Variants in CYLD observed in about 807,000 individuals in gnomAD.
CYLD encodes the protein CYLD lysine 63 deubiquitinase, also known as ubiquitin carboxyl-terminal hydrolase CYLD.
Under a neutral mutation model 104.5 loss-of-function variants are expected in CYLD, and 26 were observed. The observed-to-expected ratio is 0.25, with a 90% CI of 0.18 to 0.35. The LOEUF (loss-of-function observed/expected upper bound fraction) is 0.35. CYLD is among the 10% of genes least tolerant of loss of function. The probability of loss-of-function intolerance (pLI) is 1.00; values close to 1 mark genes in which losing one functional copy is unlikely to be tolerated. For synonymous variants in CYLD, 385 were observed against 399.9 expected (o/e 0.96, Z 0.45); for missense variants, 703 against 1,136.1 (o/e 0.62, Z 5.48).
At chr16:50,742,238 TGGCGGCCGGCG>T (rs1169425668) in intron 1 of CYLD, 114 bp downstream of exon 1, 1 of 151,104 alleles carries the variant, frequency 6.6e-6, no homozygotes, top group Non-Finnish European at 1.5e-5. Flanking sequence ...AGCGGGCGGC[TGGCGGCCGGCG>T]GGCGGCCGGA....
chr16:50,790,258 G>T (rs991111663), intron 14 of CYLD, among the ~76,000 whole-genome samples: 1 of 152,134 alleles, frequency 6.6e-6, no homozygotes, highest in Non-Finnish European at 1.5e-5. Context: ...TAGAATAAAG[G>T]AGTGGGATGC....
chr16:50,762,059 T>C (rs1260745189), intron 5 of CYLD, among the ~76,000 whole-genome samples: 2 of 152,168 alleles, frequency 1.3e-5, no homozygotes, highest in Non-Finnish European at 2.9e-5. Flanking sequence ...AGTGTAATTG[T>C]GCTACACTAC....
rs759250779 is a variant in CYLD at position 50,793,562 on chromosome 16, G to A, written c.2367G>A (p.Arg789=). The part of the protein sequence containing the change: ...DLLEDTPRQC[R]ICGGLAMYEC... ...ACATTTCAGCTCCCAGACAGTGCCG[G>A]ATATGTGGAGGGCTTGCAATGTATG... Residue 789 remains arginine, a synonymous_variant, in exon 17 of 19, where the codon CGG becomes CGA. Coordinates refer to ENST00000427738, the MANE Select transcript of CYLD (RefSeq NM_001378743.1). The A allele has an allele frequency of 1.9e-6, 3 of 1,613,150 alleles. No homozygotes were observed. Among genetic ancestry groups the A allele is most frequent in the South Asian group, 2.2e-5 (2 of 91,060 alleles).
Position 50,796,366 on chromosome 16 carries a change from CAG to C in CYLD, c.2731_2732del (p.Glu911SerfsTer30). On this transcript the variant is annotated frameshift_variant, in exon 19 of 19. Transcript: ENST00000427738. LOFTEE classifies it high-confidence loss of function. ...AACATTCCTCAAGTCACCCCATGCC[CAG>C]AAGTAGGAGAGTACTTGAAGATGTC... 6.2e-7 allele frequency: 1 copy of C among 1,614,152 alleles called. No homozygotes were observed. Among genetic ancestry groups the C allele is most frequent in the Non-Finnish European group, 8.5e-7 (1 of 1,180,028 alleles).
In CYLD at chr16:50,791,614, A is replaced by G. The variant is rs1454033249; in HGVS notation, c.2165A>G (p.Asn722Ser). 1.2e-6 allele frequency: 2 copies of G among 1,613,798 alleles called. No individual in the cohort carries two copies. Among genetic ancestry groups the G allele is most frequent in the Non-Finnish European group, 1.7e-6 (2 of 1,179,862 alleles). The part of the protein sequence containing the change: ...CYFYQIFMEK[N>S]EKVGVPTIQQ... ...TTCTATCAAATTTTTATGGAAAAAA[A>G]TGAGAAAGTTGGCGTTCCCACAATT... Residue 722 changes from asparagine to serine, a missense_variant, in exon 15 of 19, where the codon AAT (asparagine) becomes AGT (serine). By Grantham distance (46) the Asn-to-Ser change is conservative. Transcript: ENST00000427738.
intron 2 of CYLD, among the ~76,000 whole-genome samples, chr16:50,745,189 C>G (rs554419968): frequency 6.6e-6 from 1 of 152,128 alleles, no homozygotes; most frequent in African/African-American, 2.4e-5. Context: ...GAAAATTTCT[C>G]CCTTCACACT....
At chr16:50,750,376 A>C (rs902121389) in intron 3 of CYLD, among the ~76,000 whole-genome samples, 174 bp downstream of exon 3, 2 of 152,228 alleles carry the variant, frequency 1.3e-5, no homozygotes, top group African/African-American at 4.8e-5. Context: ...GGTTGAATCC[A>C]TAATCCAAAA....
intron 5 of CYLD, among the ~76,000 whole-genome samples, chr16:50,757,988 G>A (rs1967460522): frequency 6.6e-6 from 1 of 152,096 alleles, no homozygotes; most frequent in Non-Finnish European, 1.5e-5. Context: ...CTAGATGTTG[G>A]GGATATAGTA....
At chr16:50,772,481 A>G (rs1190223011) in intron 5 of CYLD, among the ~76,000 whole-genome samples, 1 of 152,200 alleles carries the variant, frequency 6.6e-6, no homozygotes, top group African/African-American at 2.4e-5. Context: ...TAACTTAACA[A>G]TAGATATTAG....
intron 18 of CYLD, chr16:50,795,778 A>G (rs1434278498): frequency 1.6e-5 from 9 of 573,614 alleles, no homozygotes; most frequent in Non-Finnish European, 2.8e-5. Flanking sequence ...AGGTTTGGAA[A>G]AGCCACTGAG....
rs1326667597 is a variant in CYLD, at chr16:50,796,789, TATG to T, written c.*284_*286del. ...AGCTTTAAGTTAAGTGCATTGATCA[TATG>T]ATATTTTTGGAAGCATACAATTTTA... On this transcript the variant is annotated 3_prime_UTR_variant, in exon 19 of 19. Coordinates refer to ENST00000427738, the MANE Select transcript of CYLD (RefSeq NM_001378743.1). The T allele has an allele frequency of 4.6e-6, 2 of 431,650 alleles. No individual in the cohort carries two copies. The highest frequency in any genetic ancestry group is 3.9e-5 in the East Asian group (1 of 25,812). The allele number at this position is 431,650 out of a possible 1,614,324, so 26.7% of individuals were successfully genotyped here. A position where few individuals can be genotyped will look rare whatever the true frequency, so the allele number is the denominator to read the frequency against.
intron 10 of CYLD, 126 bp from the exon 11 acceptor site, chr16:50,782,199 C>T: frequency 1.3e-6 from 1 of 755,022 alleles, no homozygotes; most frequent in Non-Finnish European, 2.1e-6. Flanking sequence ...CTACTTTCCA[C>T]TTAAAGAAAA....
At chr16:50,781,725 T>G (rs1221128316) in intron 10 of CYLD, among the ~76,000 whole-genome samples, 3 of 152,158 alleles carry the variant, frequency 2.0e-5, no homozygotes, top group African/African-American at 2.4e-5. Flanking sequence ...AACCTTCTTT[T>G]TTTTTTTTAC....
intron 2 of CYLD, among the ~76,000 whole-genome samples, chr16:50,746,717 C>T (rs1397715161): frequency 6.6e-6 from 1 of 151,928 alleles, no homozygotes; most frequent in Non-Finnish European, 1.5e-5. Context: ...TTTTATAAAC[C>T]TAGCAGTTAT....
intron 7 of CYLD, among the ~76,000 whole-genome samples, chr16:50,777,458 G>T (rs957600396): frequency 6.6e-6 from 1 of 152,080 alleles, no homozygotes; most frequent in Non-Finnish European, 1.5e-5. Flanking sequence ...GGTTAAATTT[G>T]TGAACCAATG....
intron 10 of CYLD, among the ~76,000 whole-genome samples, chr16:50,782,069 T>C (rs1970272297): frequency 6.6e-6 from 1 of 152,250 alleles, no homozygotes; most frequent in Non-Finnish European, 1.5e-5. Context: ...CATATTTTAC[T>C]TGACAGATGC....
Position 50,787,854 on chromosome 16 carries a change from T to G in CYLD, c.2108+2T>G. ...GGTAGAACCTTTGCTAAAAATAAGG[T>G]AACCTTTAAATTGTTCTAGAAGCAT... On this transcript the variant is annotated splice_donor_variant, in intron 14 of 18. Transcript: ENST00000427738. LOFTEE classifies it high-confidence loss of function. 1 of 1,477,626 alleles carries G rather than the reference T, an allele frequency of 6.8e-7. No individual in the cohort carries two copies. Among genetic ancestry groups the G allele is most frequent in the Non-Finnish European group, 9.4e-7 (1 of 1,059,984 alleles). The allele number at this position is 1,477,626 out of a possible 1,614,324, so 91.5% of individuals were successfully genotyped here.
At chr16:50,779,566 A>G (rs1006987784) in intron 8 of CYLD, 99 bp from the exon 9 acceptor site, 2 of 1,139,674 alleles carry the variant, frequency 1.8e-6, no homozygotes, top group Non-Finnish European at 2.6e-6. Flanking sequence ...CAGGGAGGTC[A>G]GGTGGGCAGT....
In CYLD at chr16:50,776,861, A is replaced by C. The variant is rs192212460; in HGVS notation, c.1021+584A>C. Among the ~76,000 whole-genome samples the C allele has an allele frequency of 3.4e-3, 518 of 152,340 alleles. 2 individuals are homozygous for C. Among genetic ancestry groups the C allele is most frequent in the Admixed American group, 8.3e-3 (127 of 15,298 alleles). On this transcript the variant is annotated intron_variant, in intron 7 of 18. Transcript: ENST00000427738. ...TTGTTAACTCAGATGCGAGTTAGGA[A>C]AAGAATATTTTTTCCTCAATTATTA...
Sources: allele counts gnomAD v4.1 joint callset (sites outside exome capture counted in the v4.1 genomes callset), GRCh38; gene constraint gnomAD v4.1.1; transcripts MANE v1.5; gene names NCBI Gene and HGNC (gene_info 2026-07-23, HGNC 2026-07-21).